Variants in RMND1 observed in about 807,000 individuals in gnomAD.
RMND1 encodes required for meiotic nuclear division 1 homolog.
In RMND1, 41 loss-of-function variants were observed where a neutral mutation model predicts 54.0. The ratio of observed to expected loss-of-function variants is 0.76; its 90% CI spans 0.59 to 0.98. RMND1 has a LOEUF of 0.98. Ranked by LOEUF, RMND1 falls within the 50% of genes least tolerant of loss-of-function variation. RMND1 has a pLI of 0.00. For synonymous variants in RMND1, 183 were observed against 181.7 expected (o/e 1.01, Z -0.06); for missense variants, 457 against 532.0 (o/e 0.86, Z 1.39).
intron 10 of RMND1, among the ~76,000 whole-genome samples, chr6:151,413,001 C>T (rs1779899216): frequency 6.6e-6 from 1 of 151,008 alleles, no homozygotes. Context: ...CACTCCCCTA[C>T]TTGTTCATCT....
chr6:151,423,244 C>T (rs552783333), intron 7 of RMND1, among the ~76,000 whole-genome samples: 14 of 151,908 alleles, frequency 9.2e-5, no homozygotes, highest in Non-Finnish European at 1.8e-4. Flanking sequence ...GAATAACAAT[C>T]GCATAGAGAG....
At chr6:151,406,592 C>T (rs946311929) in intron 10 of RMND1, among the ~76,000 whole-genome samples, 2 of 152,080 alleles carry the variant, frequency 1.3e-5, no homozygotes, top group Non-Finnish European at 2.9e-5. Flanking sequence ...CCTTGTGATC[C>T]GCCCGCCTCG....
chr6:151,451,064 C>A (rs896604751), intron 1 of RMND1, among the ~76,000 whole-genome samples: 1 of 152,094 alleles, frequency 6.6e-6, no homozygotes, highest in Non-Finnish European at 1.5e-5. Context: ...ACAAACACTG[C>A]GGAAGGCCGC....
At chr6:151,407,471 C>T (rs2114911685) in intron 10 of RMND1, among the ~76,000 whole-genome samples, 1 of 152,272 alleles carries the variant, frequency 6.6e-6, no homozygotes, top group Admixed American at 6.5e-5. Flanking sequence ...TTTTCTTCCT[C>T]CACTACCTCA....
At chr6:151,408,630 T>C (rs1251409141) in intron 10 of RMND1, 3 of 152,202 alleles carry the variant, frequency 2.0e-5, no homozygotes, top group African/African-American at 7.2e-5. Context: ...ATTAAAGTTA[T>C]TAATTAGCTG....
At chr6:151,417,487 GA>G in intron 9 of RMND1, 88 bp from the exon 10 acceptor site, 1 of 1,128,482 alleles carries the variant, frequency 8.9e-7, no homozygotes, top group Non-Finnish European at 1.2e-6. Flanking sequence ...AGTGCTTTAT[GA>G]AAACTTTTTT....
chr6:151,427,331 G>C (rs981817868), intron 6 of RMND1, 151 bp downstream of exon 6: 4 of 471,152 alleles, frequency 8.5e-6, no homozygotes, highest in Non-Finnish European at 1.5e-5. Flanking sequence ...AGCCGAGATT[G>C]TGCCACTGCA....
In RMND1 at chr6:151,418,987, C is replaced by T. The variant is rs183999354; in HGVS notation, c.1080-1588G>A. 6.7e-4 allele frequency among the ~76,000 whole-genome samples: 102 copies of T among 152,196 alleles called. 1 individual carries two copies. In the East Asian group the frequency reaches 0.019, roughly 29 times the overall value. Reference sequence around the variant, plus strand: ...GTTTCTCCATGTTGGTCAGGCTGGTCTTGAACTCCTGACCTCAGATGATCC... The same window carrying T: ...GTTTCTCCATGTTGGTCAGGCTGGTTTTGAACTCCTGACCTCAGATGATCC... On this transcript the variant is annotated intron_variant, in intron 9 of 11. Coordinates refer to ENST00000444024, the MANE Select transcript of RMND1 (RefSeq NM_017909.4).
chr6:151,437,191 G>T (rs567440423), intron 2 of RMND1, among the ~76,000 whole-genome samples: 3 of 152,268 alleles, frequency 2.0e-5, no homozygotes, highest in East Asian at 3.9e-4. Flanking sequence ...TCAATGCTGT[G>T]TTTTTTCAAA....
intron 9 of RMND1, among the ~76,000 whole-genome samples, chr6:151,420,236 T>C (rs927129189): frequency 2.6e-5 from 4 of 152,154 alleles, no homozygotes; most frequent in Non-Finnish European, 5.9e-5. Flanking sequence ...TCAGAGAATT[T>C]GAGGCTTCAG....
intron 4 of RMND1, among the ~76,000 whole-genome samples, chr6:151,431,920 A>G (rs1780458022): frequency 6.6e-6 from 1 of 151,400 alleles, no homozygotes; most frequent in Non-Finnish European, 1.5e-5. Flanking sequence ...TGAGGCTTGC[A>G]TTATATTTCT....
chr6:151,433,098 C>G, intron 4 of RMND1, 57 bp downstream of exon 4: 1 of 1,071,602 alleles, frequency 9.3e-7, no homozygotes, highest in Non-Finnish European at 1.4e-6. Flanking sequence ...CCTTTAAAGA[C>G]CACAATTACT....
At chr6:151,422,994 G>GC (rs1170283748) in intron 7 of RMND1, among the ~76,000 whole-genome samples, 1 of 152,166 alleles carries the variant, frequency 6.6e-6, no homozygotes, top group East Asian at 1.9e-4. Flanking sequence ...AATCTCCGAA[G>GC]CCCCTCAGAG....
intron 3 of RMND1, 65 bp downstream of exon 3, chr6:151,436,381 T>G: frequency 2.5e-6 from 4 of 1,584,260 alleles, no homozygotes; most frequent in Middle Eastern, 1.7e-4. Context: ...ATACTTAAGA[T>G]AGTATCATAG....
intron 9 of RMND1, among the ~76,000 whole-genome samples, chr6:151,417,901 C>A (rs1780052810): frequency 6.6e-6 from 1 of 150,810 alleles, no homozygotes; most frequent in Admixed American, 6.6e-5. Flanking sequence ...CTCTGCCTCC[C>A]AGATTTAAGC....
At chr6:151,448,313 C>T (rs1335455070) in intron 1 of RMND1, among the ~76,000 whole-genome samples, 2 of 152,122 alleles carry the variant, frequency 1.3e-5, no homozygotes, top group African/African-American at 2.4e-5. Flanking sequence ...AATTCTTCAA[C>T]CCCAACAGGA....
intron 2 of RMND1, among the ~76,000 whole-genome samples, chr6:151,443,590 G>A (rs1780855871): frequency 6.6e-6 from 1 of 152,180 alleles, no homozygotes; most frequent in African/African-American, 2.4e-5. Flanking sequence ...GATTACAGCT[G>A]TGAGCCACCG....
At chr6:151,405,406 A>G (rs542737822) in intron 11 of RMND1, 139 bp from the exon 12 acceptor site, 2 of 757,190 alleles carry the variant, frequency 2.6e-6, no homozygotes, top group African/African-American at 3.5e-5. Context: ...CAACCTATGA[A>G]TTGGAGGTAC....
At chr6:151,451,005 G>A (rs372226305) in intron 1 of RMND1, among the ~76,000 whole-genome samples, 79 of 152,126 alleles carry the variant, frequency 5.2e-4, no homozygotes, top group Admixed American at 2.6e-3. Flanking sequence ...TGAAGGCAGC[G>A]TGCTGGTTAA....
Sources: gnomAD v4.1 joint callset for allele counts (sites outside exome capture counted in the v4.1 genomes callset) on GRCh38, gnomAD v4.1.1 for gene constraint, MANE v1.5 for transcripts, NCBI Gene and HGNC (gene_info 2026-07-23, HGNC 2026-07-21) for gene names.